The following MBNL2 variants were observed in gnomAD, a reference collection of about 807,000 sequenced individuals.
MBNL2 encodes the protein muscleblind like splicing regulator 2.
In MBNL2, 17 loss-of-function variants were observed where a neutral mutation model predicts 41.9. The observed-to-expected ratio is 0.41, with a 90% confidence interval of 0.28 to 0.61. The LOEUF (loss-of-function observed/expected upper bound fraction) is 0.61. Ranked by LOEUF, MBNL2 falls within the 20% of genes least tolerant of loss-of-function variation. MBNL2 has a pLI of 0.35. For synonymous variants in MBNL2, 195 were observed against 182.9 expected, an observed-to-expected ratio of 1.07 and a Z score of -0.53; for missense variants, 336 against 505.6, an observed-to-expected ratio of 0.66 and a Z score of 3.22.
chr13:97,244,301 T>C (rs1414312894), intron 1 of MBNL2, among the ~76,000 whole-genome samples: 1 of 152,238 alleles, frequency 6.6e-6, no homozygotes, highest in East Asian at 1.9e-4. Context: ...CGATGACTTT[T>C]GTAGCTGTCC....
chr13:97,218,503 T>A (rs2152754588), upstream of MBNL2, among the ~76,000 whole-genome samples: 1 of 150,228 alleles, frequency 6.7e-6, no homozygotes, highest in East Asian at 2.0e-4. Context: ...CTCGAATTTA[T>A]CAAACTGTAC....
intron 1 of MBNL2, among the ~76,000 whole-genome samples, chr13:97,254,711 C>T (rs1255488648): frequency 6.6e-6 from 1 of 151,696 alleles, no homozygotes; most frequent in African/African-American, 2.4e-5. Context: ...TTTTTAATTA[C>T]TGTAGTATTT....
chr13:97,221,114 AAG>A (rs2040821044), upstream of MBNL2, among the ~76,000 whole-genome samples: 1 of 152,208 alleles, frequency 6.6e-6, no homozygotes. Context: ...GCAAAATAAA[AAG>A]AAAGCATTCC....
chr13:97,259,255 G>A (rs925981704), intron 1 of MBNL2, among the ~76,000 whole-genome samples: 3 of 152,036 alleles, frequency 2.0e-5, no homozygotes, highest in African/African-American at 2.4e-5. Context: ...GGTGCACAGT[G>A]GCATTCTCTA....
chr13:97,347,181 G>T, intron 5 of MBNL2, 114 bp downstream of exon 5: 1 of 788,350 alleles, frequency 1.3e-6, no homozygotes, highest in Non-Finnish European at 1.9e-6. Flanking sequence ...TGCTATTCCT[G>T]CTGCTCCGCT....
chr13:97,349,684 T>C (rs552100912), intron 5 of MBNL2, among the ~76,000 whole-genome samples: 6 of 152,112 alleles, frequency 3.9e-5, no homozygotes, highest in Non-Finnish European at 7.4e-5. Context: ...CATGCCACCA[T>C]GTCTAGCTAA....
At chr13:97,265,245 C>CT (rs1361266375) in intron 1 of MBNL2, among the ~76,000 whole-genome samples, 4 of 152,064 alleles carry the variant, frequency 2.6e-5, no homozygotes, top group Non-Finnish European at 5.9e-5. Flanking sequence ...TTCACTTGTA[C>CT]TTTAAGACAT....
At chr13:97,255,571 C>A (rs2047366990) in intron 1 of MBNL2, among the ~76,000 whole-genome samples, 1 of 152,124 alleles carries the variant, frequency 6.6e-6, no homozygotes. Flanking sequence ...AACACTCAAT[C>A]CTTCTAACTC....
At chr13:97,153,767 G>C in the MBNL2 span, among the ~76,000 whole-genome samples, 1 of 152,108 alleles carries the variant, frequency 6.6e-6, no homozygotes, top group Admixed American at 6.6e-5. Flanking sequence ...ATTTACAAGG[G>C]GGAGAGAACA....
At chr13:97,248,146 A>T (rs889155431) in intron 1 of MBNL2, among the ~76,000 whole-genome samples, 1 of 152,170 alleles carries the variant, frequency 6.6e-6, no homozygotes, top group African/African-American at 2.4e-5. Context: ...ACATATATAT[A>T]TTTTAAGATG....
At chr13:97,262,133 G>C (rs6491344) in intron 1 of MBNL2, among the ~76,000 whole-genome samples, 3 of 152,078 alleles carry the variant, frequency 2.0e-5, no homozygotes, top group Non-Finnish European at 4.4e-5. Context: ...TCAGGATCCC[G>C]CAGGCACCAA....
chr13:97,218,446 A>AAAAAAAAAAAC (rs1566346395), upstream of MBNL2, among the ~76,000 whole-genome samples: 1 of 150,236 alleles, frequency 6.7e-6, no homozygotes, highest in Non-Finnish European at 1.5e-5. Flanking sequence ...AAAACAAAAA[A>AAAAAAAAAAAC]AAAAAACTGG....
chr13:97,342,105 GA>G (rs1397391899), intron 3 of MBNL2, among the ~76,000 whole-genome samples: 2 of 152,144 alleles, frequency 1.3e-5, no homozygotes, highest in African/African-American at 4.8e-5. Flanking sequence ...AAAATCTTTA[GA>G]ATTTTAAATT....
intron 8 of MBNL2, among the ~76,000 whole-genome samples, chr13:97,376,318 G>A (rs888731310): frequency 1.5e-4 from 23 of 151,980 alleles, no homozygotes; most frequent in Admixed American, 1.4e-3. Context: ...GTCACATAAC[G>A]CTCCTATGAG....
chr13:97,296,078 C>T (rs1414356466), intron 2 of MBNL2, among the ~76,000 whole-genome samples: 1 of 152,128 alleles, frequency 6.6e-6, no homozygotes, highest in Non-Finnish European at 1.5e-5. Flanking sequence ...AATAATGACT[C>T]AGTACATAAA....
chr13:97,142,970 C>G, the MBNL2 span, among the ~76,000 whole-genome samples: 1 of 152,106 alleles, frequency 6.6e-6, no homozygotes, highest in African/African-American at 2.4e-5. Context: ...CAAGAAGCAC[C>G]GGATCAGATC....
chr13:97,277,000 G>A (rs768525044), intron 2 of MBNL2, among the ~76,000 whole-genome samples: 1 of 152,166 alleles, frequency 6.6e-6, no homozygotes, highest in East Asian at 1.9e-4. Context: ...CTGTCTGGCA[G>A]GGACAATTCA....
intron 1 of MBNL2, among the ~76,000 whole-genome samples, chr13:97,223,415 T>C (rs1235141823): frequency 6.6e-6 from 1 of 152,242 alleles, no homozygotes; most frequent in Non-Finnish European, 1.5e-5. Flanking sequence ...TGCTAAAGAA[T>C]TCTTTCTGCC....
intron 2 of MBNL2, among the ~76,000 whole-genome samples, chr13:97,301,004 C>T (rs2057565149): frequency 6.6e-6 from 1 of 152,204 alleles, no homozygotes; most frequent in East Asian, 1.9e-4. Flanking sequence ...AACAAGACAT[C>T]TGTGTCAGAA....
Sources: gnomAD v4.1 joint callset for allele counts (sites outside exome capture counted in the v4.1 genomes callset) on GRCh38, gnomAD v4.1.1 for gene constraint, MANE v1.5 for transcripts, NCBI Gene and HGNC (gene_info 2026-07-23, HGNC 2026-07-21) for gene names.